ME2: variants seen among roughly 807,000 people sequenced by gnomAD.
ME2 encodes the protein malic enzyme 2.
Under a neutral mutation model 73.7 loss-of-function variants are expected in ME2, and 60 were observed. The observed-to-expected ratio is 0.81, with a 90% confidence interval of 0.66 to 1.01. The LOEUF is 1.01. ME2 is among the 50% of genes least tolerant of loss of function. ME2 has a pLI of 0.00. For missense variants in ME2, 594 were observed against 705.5 expected (o/e 0.84, Z 1.79); for synonymous variants, 199 against 236.9 (o/e 0.84, Z 1.47).
At chr18:50,912,703 C>T (rs1917185441) in intron 3 of ME2, 98 bp from the exon 4 acceptor site, 1 of 1,020,562 alleles carries the variant, frequency 9.8e-7, no homozygotes, top group East Asian at 2.8e-5. Flanking sequence ...GAATGGGGCT[C>T]AATTTCAATT....
chr18:50,908,043 C>A lies in ME2; in HGVS notation c.109-20C>A. 2 of 1,503,126 alleles carry A rather than the reference C, an allele frequency of 1.3e-6. No homozygotes were observed. The highest frequency in any genetic ancestry group is 2.6e-5 in the South Asian group (2 of 76,972). 93.1% of individuals were successfully genotyped at this position (1,503,126 alleles called of 1,614,324 possible). A position where few individuals can be genotyped will look rare whatever the true frequency, so the allele number is the denominator to read the frequency against. ...CCCCAGTAAGTAATAATTTTTAATC[C>A]TTTTATTTCTCCTCTTTAGGGAATG... On this transcript the variant is annotated intron_variant, in intron 2 of 15. Coordinates refer to ENST00000321341, the MANE Select transcript of ME2 (RefSeq NM_002396.5).
At chr18:50,904,211 C>T (rs1916957836) in intron 2 of ME2, among the ~76,000 whole-genome samples, 1 of 151,654 alleles carries the variant, frequency 6.6e-6, no homozygotes, top group South Asian at 2.1e-4. Context: ...CTTTTTCCAT[C>T]CTTTTACTTT....
At chr18:50,910,440 G>GAAAAAA (rs1207940247) in intron 3 of ME2, among the ~76,000 whole-genome samples, 1 of 80,370 alleles carries the variant, frequency 1.2e-5, no homozygotes, top group African/African-American at 4.3e-5. Context: ...CCCTGTCTCA[G>GAAAAAA]AAAAAAAAAA....
At chr18:50,899,098 G>C (rs1451228098) in intron 2 of ME2, among the ~76,000 whole-genome samples, 1 of 152,122 alleles carries the variant, frequency 6.6e-6, no homozygotes, top group African/African-American at 2.4e-5. Context: ...TACCGCCTGT[G>C]CTCTGCCTCC....
intron 2 of ME2, among the ~76,000 whole-genome samples, chr18:50,901,341 TA>T (rs1916885118): frequency 6.6e-6 from 1 of 152,234 alleles, no homozygotes; most frequent in Non-Finnish European, 1.5e-5. Flanking sequence ...TGATTTGTAT[TA>T]AAGAGTTGTT....
chr18:50,905,315 A>C (rs1422617331), intron 2 of ME2, among the ~76,000 whole-genome samples: 1 of 152,010 alleles, frequency 6.6e-6, no homozygotes, highest in Non-Finnish European at 1.5e-5. Context: ...TTTTCTTTCT[A>C]TCTTAGACTA....
At position 50,954,192 on chromosome 18, in the gene ME2, T is replaced by C. The variant is rs555876149; in HGVS notation, c.*7008T>C. On this transcript the variant is annotated 3_prime_UTR_variant, in exon 16 of 16. Coordinates refer to ENST00000321341, the MANE Select transcript of ME2 (RefSeq NM_002396.5). ...AATTATGTGAATTATTTTTTCTCTG[T>C]TGTGATATGTTGTAATGAGATGTGT... 1 of 152,344 alleles carries C rather than the reference T, an allele frequency of 6.6e-6. No homozygotes were observed. Among genetic ancestry groups the C allele is most frequent in the Non-Finnish European group, 1.5e-5 (1 of 68,032 alleles). 9.4% of individuals were successfully genotyped at this position (152,344 alleles called of 1,614,324 possible).
At chr18:50,891,807 AC>A (rs1916610965) in intron 1 of ME2, among the ~76,000 whole-genome samples, 1 of 151,008 alleles carries the variant, frequency 6.6e-6, no homozygotes, top group African/African-American at 2.4e-5. Flanking sequence ...CTGGAATTGG[AC>A]TTATAATTTT....
Position 50,932,279 on chromosome 18 carries a change from G to C in ME2, c.1336G>C (p.Gly446Arg). The change falls in exon 13 of 16, where the codon GGC (glycine) becomes CGC (arginine). Residue 446 changes from glycine to arginine, a missense_variant. Transcript: ENST00000321341. ...ACAGGGCAGGTGTTTGTTTGCCAGT[G>C]GCAGTCCATTTGGGCCAGTGAAACT... ...LTEGRCLFASGSPFGPVKLTD... is the reference protein window; with the variant it reads ...LTEGRCLFASRSPFGPVKLTD... 6.2e-7 allele frequency: 1 copy of C among 1,612,272 alleles called. No homozygotes were observed.
chr18:50,890,566 C>A (rs1053088830), intron 1 of ME2, among the ~76,000 whole-genome samples: 4 of 152,130 alleles, frequency 2.6e-5, no homozygotes, highest in African/African-American at 9.7e-5. Flanking sequence ...CTTGTTTTAT[C>A]CATTTAGTTT....
intron 2 of ME2, among the ~76,000 whole-genome samples, chr18:50,904,279 G>GTTT (rs35061724): frequency 1.5e-5 from 2 of 137,042 alleles, no homozygotes; most frequent in Non-Finnish European, 1.6e-5. Context: ...TCTTTCTTCT[G>GTTT]TTTTTTTTTT....
chr18:50,947,080 A>G lies in ME2; in HGVS notation c.1651A>G (p.Lys551Glu), dbSNP rs759034068. ...ATACCCAGAACCTGAAGACAAGGCC[A>G]AATATGTTAAAGAAAGAACATGGCG... The part of the protein sequence containing the change: ...FRYPEPEDKA[K>E]YVKERTWRSE... Residue 551 changes from lysine to glutamate, a missense_variant, in exon 16 of 16, where the codon AAA becomes GAA. Lys to Glu is a moderately conservative substitution (Grantham distance 56, BLOSUM62 1). Coordinates refer to ENST00000321341, the MANE Select transcript of ME2 (RefSeq NM_002396.5). The G allele has an allele frequency of 6.2e-7, 1 of 1,614,118 alleles. No homozygotes were observed. The highest frequency in any genetic ancestry group is 8.5e-7 in the Non-Finnish European group (1 of 1,179,964).
rs781743625 is a variant in ME2, at chr18:50,917,382, T to A, written c.504T>A (p.Gly168=). The A allele has an allele frequency of 6.2e-7, 1 of 1,613,768 alleles. No homozygotes were observed. Residue 168 remains glycine, a synonymous_variant, in exon 6 of 16, where the codon GGT becomes GGA. Coordinates refer to ENST00000321341, the MANE Select transcript of ME2 (RefSeq NM_002396.5). ...TGACTGATGGAGAGAGAATTCTGGG[T>A]CTTGGAGATCTGGGTGTCTATGGAA... ...VVVTDGERIL[G]LGDLGVYGMG... is the part of the protein sequence containing the mutation.
At chr18:50,908,345 C>G (rs1917065367) in intron 3 of ME2, 149 bp downstream of exon 3, 1 of 536,504 alleles carries the variant, frequency 1.9e-6, no homozygotes, top group Non-Finnish European at 3.2e-6. Context: ...GTGTTTCTTT[C>G]ACTTCGGTGA....
At chr18:50,880,374 G>A (rs1916289154) in intron 1 of ME2, among the ~76,000 whole-genome samples, 1 of 152,138 alleles carries the variant, frequency 6.6e-6, no homozygotes, top group Non-Finnish European at 1.5e-5. Flanking sequence ...TCCCTTAAAC[G>A]TGTATACTCC....
At chr18:50,928,874 T>C (rs1917625785) in intron 12 of ME2, among the ~76,000 whole-genome samples, 1 of 152,174 alleles carries the variant, frequency 6.6e-6, no homozygotes, top group Non-Finnish European at 1.5e-5. Context: ...GCTTTTGATT[T>C]GGAAATCAGC....
chr18:50,911,545 G>A (rs1168748956), intron 3 of ME2, among the ~76,000 whole-genome samples: 1 of 152,146 alleles, frequency 6.6e-6, no homozygotes, highest in Non-Finnish European at 1.5e-5. Context: ...CTGAAAACAG[G>A]AAAGTCTAAA....
At chr18:50,920,625 A>AT (rs1568169098) in intron 8 of ME2, 36 bp from the exon 9 acceptor site, 1 of 1,579,624 alleles carries the variant, frequency 6.3e-7, no homozygotes, top group Admixed American at 2.0e-5. Flanking sequence ...TAATGTGCCC[A>AT]TTTTTTATTT....
intron 13 of ME2, chr18:50,932,642 T>C: frequency 4.4e-6 from 1 of 225,458 alleles, no homozygotes; most frequent in Non-Finnish European, 8.7e-6. Context: ...TAACCCTTTC[T>C]ATCTCCCCTT....
Sources: allele counts gnomAD v4.1 joint callset (sites outside exome capture counted in the v4.1 genomes callset), GRCh38; gene constraint gnomAD v4.1.1; transcripts MANE v1.5; gene names NCBI Gene and HGNC (gene_info 2026-07-23, HGNC 2026-07-21).